The following TMOD3 variants were observed in gnomAD, a reference collection of about 807,000 sequenced individuals.
The protein encoded by TMOD3 is tropomodulin 3, also known as tropomodulin-3.
Under a neutral mutation model 39.2 loss-of-function variants are expected in TMOD3, and 20 were observed. The observed-to-expected ratio is 0.51, with a 90% CI of 0.36 to 0.74. The LOEUF (loss-of-function observed/expected upper bound fraction) is 0.74. Ranked by LOEUF, TMOD3 falls within the 30% of genes least tolerant of loss-of-function variation. TMOD3 has a pLI of 0.00. For synonymous variants in TMOD3, 143 were observed against 145.8 expected, an observed-to-expected ratio of 0.98 and a Z score of 0.14; for missense variants, 381 against 412.8, an observed-to-expected ratio of 0.92 and a Z score of 0.67.
At chr15:51,902,167 CTTTATATACTGAT>C (rs2056654192) in intron 9 of TMOD3, 131 bp downstream of exon 9, 2 of 987,726 alleles carry the variant, frequency 2.0e-6, no homozygotes, top group African/African-American at 3.3e-5. Context: ...CTGCATGGTC[CTTTATATACTGAT>C]TGAATTCAAG....
chr15:51,893,066 C>G (rs1214480664), intron 5 of TMOD3, among the ~76,000 whole-genome samples: 1 of 151,832 alleles, frequency 6.6e-6, no homozygotes, highest in Non-Finnish European at 1.5e-5. Context: ...GAGGCCAAGG[C>G]AGGCAGAGCA....
At position 51,911,170 on chromosome 15, in the gene TMOD3, T is replaced by C. The variant is rs545686611; in HGVS notation, c.*2360T>C. On this transcript the variant is annotated 3_prime_UTR_variant, in exon 10 of 10. Coordinates refer to ENST00000308580, the MANE Select transcript of TMOD3 (RefSeq NM_014547.5). ...ATTGTCCTGTAAGTCAATTAGTTGA[T>C]AAATAGTTCCCCCTTCATCCCTTAA... 6.6e-6 allele frequency: 1 copy of C among 152,254 alleles called. No homozygotes were observed. The highest frequency in any genetic ancestry group is 1.5e-5 in the Non-Finnish European group (1 of 68,052). 9.4% of individuals were successfully genotyped at this position (152,254 alleles called of 1,614,324 possible).
intron 1 of TMOD3, among the ~76,000 whole-genome samples, chr15:51,856,382 CAGA>C (rs150729973): frequency 0.031 from 4,742 of 152,302 alleles, 119 homozygotes; most frequent in Non-Finnish European, 0.05. Context: ...GTGTATTACC[CAGA>C]AGTTCTTGCC....
At chr15:51,897,781 CAAAAAAA>C (rs35282838) in intron 7 of TMOD3, among the ~76,000 whole-genome samples, 1 of 111,066 alleles carries the variant, frequency 9.0e-6, no homozygotes, top group African/African-American at 3.4e-5. Context: ...CCACGCCCAG[CAAAAAAA>C]AAAAAAAAAA....
rs935830750 is a variant in TMOD3 at position 51,910,225 on chromosome 15, G to C, written c.*1415G>C. Reference sequence around the variant, plus strand: ...TGTATCATTTACAGAGATTTTTCTGGAGGGAAAAGTCTCATTTCTGAGGAA... The same window carrying C: ...TGTATCATTTACAGAGATTTTTCTGCAGGGAAAAGTCTCATTTCTGAGGAA... On this transcript the variant is annotated 3_prime_UTR_variant, in exon 10 of 10. Transcript: ENST00000308580. 6 of 152,234 alleles carry C rather than the reference G, an allele frequency of 3.9e-5. No individual in the cohort carries two copies. Among genetic ancestry groups the C allele is most frequent in the African/African-American group, 1.4e-4 (6 of 41,460 alleles). The allele number at this position is 152,234 out of a possible 1,614,324, so 9.4% of individuals were successfully genotyped here.
chr15:51,908,038 A>G (rs990138236), intron 9 of TMOD3, among the ~76,000 whole-genome samples: 1 of 152,228 alleles, frequency 6.6e-6, no homozygotes, highest in African/African-American at 2.4e-5. Flanking sequence ...TTTATATTAC[A>G]GGAGACAAAA....
intron 6 of TMOD3, 142 bp downstream of exon 6, chr15:51,894,087 C>T: frequency 1.6e-6 from 1 of 617,338 alleles, no homozygotes; most frequent in Non-Finnish European, 2.4e-6. Flanking sequence ...ACATAGGTTT[C>T]TTCATATTTT....
At chr15:51,898,508 G>A (rs927652482) in intron 7 of TMOD3, among the ~76,000 whole-genome samples, 3 of 152,058 alleles carry the variant, frequency 2.0e-5, no homozygotes, top group Non-Finnish European at 2.9e-5. Flanking sequence ...TGCCAGGCAG[G>A]GACCAATGTG....
Position 51,839,557 on chromosome 15 carries a change from A to AT in TMOD3, c.-75+9731dup, listed in dbSNP as rs1049876278. Among the ~76,000 whole-genome samples the AT allele has an allele frequency of 2.3e-4, 34 of 145,242 alleles. No individual in the cohort carries two copies. In the East Asian group the frequency reaches 4.6e-3, roughly 20 times the overall value. On this transcript the variant is annotated intron_variant, in intron 1 of 9. Coordinates refer to ENST00000308580, the MANE Select transcript of TMOD3 (RefSeq NM_014547.5). ...TAGGTATAATAGTCAATTCAGAGCA[A>AT]TTTTTTTTTTCGAGACAGGCTTTCG...
intron 1 of TMOD3, among the ~76,000 whole-genome samples, chr15:51,846,338 CA>C (rs1268913801): frequency 6.6e-6 from 1 of 151,896 alleles, no homozygotes; most frequent in Non-Finnish European, 1.5e-5. Context: ...CAAAACAAAA[CA>C]AAACAAAAAA....
chr15:51,860,381 T>C, intron 1 of TMOD3: 1 of 544,248 alleles, frequency 1.8e-6, no homozygotes. Context: ...CCATGTTGGC[T>C]TTTTGAAATT....
Position 51,848,984 on chromosome 15 carries a change from G to A in TMOD3, c.-74-13827G>A, listed in dbSNP as rs1202848328. 3.3e-5 allele frequency among the ~76,000 whole-genome samples: 5 copies of A among 152,184 alleles called. No homozygotes were observed. The East Asian group carries it at 7.7e-4, about 23-fold the overall frequency. ...AATCTGTAGAAGTATGACTATGATT[G>A]GCTGGCACTCAGAGGAGTGTTTATT... On this transcript the variant is annotated intron_variant, in intron 1 of 9. Transcript: ENST00000308580.
intron 3 of TMOD3, among the ~76,000 whole-genome samples, chr15:51,876,493 G>C (rs982641294): frequency 7.0e-6 from 1 of 143,830 alleles, no homozygotes; most frequent in Non-Finnish European, 1.5e-5. Context: ...ATGGAGTCTC[G>C]CTCTGTTTCC....
chr15:51,867,725 T>A (rs771093671), intron 2 of TMOD3, among the ~76,000 whole-genome samples: 5 of 152,234 alleles, frequency 3.3e-5, no homozygotes, highest in Non-Finnish European at 5.9e-5. Context: ...TTTGTGTGAT[T>A]TCTCTGGCTG....
Position 51,869,318 on chromosome 15 carries a change from A to T in TMOD3, c.228A>T (p.Glu76Asp). ...REHLLSYLEK[E>D]ALEHKDREDY... is the part of the protein sequence containing the mutation. ...ATCTCCTTTCATATCTGGAGAAAGAAGCATTGGAGCATAAAGACAGGGAAG... is the reference window on the plus strand; with the variant it reads ...ATCTCCTTTCATATCTGGAGAAAGATGCATTGGAGCATAAAGACAGGGAAG... The change falls in exon 3 of 10, where the codon GAA becomes GAT. Residue 76 changes from glutamate to aspartate, a missense_variant. By Grantham distance (45) the Glu-to-Asp change is conservative. Transcript: ENST00000308580. The T allele has an allele frequency of 6.2e-7, 1 of 1,614,202 alleles. No individual in the cohort carries two copies. The highest frequency in any genetic ancestry group is 8.5e-7 in the Non-Finnish European group (1 of 1,180,030).
At chr15:51,901,158 CTGTATT>C in intron 8 of TMOD3, 3 of 152,346 alleles carry the variant, frequency 2.0e-5, no homozygotes. Context: ...GGAGGTTCAT[CTGTATT>C]GTAGCATACA....
At chr15:51,900,101 TGTA>T (rs2056642005) in intron 7 of TMOD3, 51 bp from the exon 8 acceptor site, 3 of 1,522,010 alleles carry the variant, frequency 2.0e-6, no homozygotes, top group Non-Finnish European at 2.7e-6. Context: ...ATGTACAATA[TGTA>T]GTAGGTACTG....
chr15:51,865,340 A>C (rs1027308976), intron 2 of TMOD3, among the ~76,000 whole-genome samples: 1 of 152,148 alleles, frequency 6.6e-6, no homozygotes, highest in African/African-American at 2.4e-5. Context: ...TACAGATGGA[A>C]AACAGAAATT....
chr15:51,900,130 T>C (rs759505120), intron 7 of TMOD3, 25 bp from the exon 8 acceptor site: 1 of 1,609,832 alleles, frequency 6.2e-7, no homozygotes, highest in Admixed American at 1.7e-5. Context: ...AATTTTAATC[T>C]CTTAATATTT....
Sources: allele counts gnomAD v4.1 joint callset (sites outside exome capture counted in the v4.1 genomes callset), GRCh38; gene constraint gnomAD v4.1.1; transcripts MANE v1.5; gene names NCBI Gene and HGNC (gene_info 2026-07-23, HGNC 2026-07-21).